The following GALNT13 variants were observed in gnomAD, a reference collection of about 807,000 sequenced individuals.
The protein encoded by GALNT13 is UDP-GalNAc:polypeptide N-acetylgalactosaminyltransferase 13.
In GALNT13, 28 loss-of-function variants were observed where a neutral mutation model predicts 64.2. The observed-to-expected ratio is 0.44, with a 90% confidence interval of 0.32 to 0.60. GALNT13 has a LOEUF of 0.60. Among genes scored for constraint, GALNT13 ranks in the 20% least tolerant of loss-of-function variants. The pLI is 0.05. For synonymous variants in GALNT13, 214 were observed against 224.6 expected (o/e 0.95, Z 0.42); for missense variants, 577 against 669.8 (o/e 0.86, Z 1.53).
the GALNT13 span, among the ~76,000 whole-genome samples, chr2:153,600,626 A>G: frequency 6.6e-6 from 1 of 151,966 alleles, no homozygotes; most frequent in Non-Finnish European, 1.5e-5. Context: ...CATCCTCCCA[A>G]CGCCATATTT....
the GALNT13 span, among the ~76,000 whole-genome samples, chr2:153,346,653 C>T: frequency 6.6e-6 from 1 of 152,054 alleles, no homozygotes; most frequent in African/African-American, 2.4e-5. Context: ...CCCTGGATTT[C>T]CTGAGATACA....
At chr2:154,014,635 C>T (rs369108496) in intron 3 of GALNT13, among the ~76,000 whole-genome samples, 2 of 77,218 alleles carry the variant, frequency 2.6e-5, no homozygotes, top group Non-Finnish European at 5.4e-5. Context: ...GATAATTCTC[C>T]TTTTTTTTTT....
chr2:153,170,466 G>A, the GALNT13 span, among the ~76,000 whole-genome samples: 1 of 152,064 alleles, frequency 6.6e-6, no homozygotes, highest in African/African-American at 2.4e-5. Context: ...ATGTATATAT[G>A]GATATGTAAA....
the GALNT13 span, among the ~76,000 whole-genome samples, chr2:153,306,285 C>T: frequency 6.6e-6 from 1 of 152,040 alleles, no homozygotes; most frequent in African/African-American, 2.4e-5. Context: ...TGAGCAGCTG[C>T]ATGTTGAAAA....
chr2:153,398,422 C>T, the GALNT13 span, among the ~76,000 whole-genome samples: 17 of 152,138 alleles, frequency 1.1e-4, no homozygotes, highest in African/African-American at 3.6e-4. Flanking sequence ...ATTTATAGTC[C>T]TTTGGGTACA....
the GALNT13 span, among the ~76,000 whole-genome samples, chr2:153,206,242 T>G: frequency 6.6e-6 from 1 of 152,016 alleles, no homozygotes. Context: ...CAGAATTTGG[T>G]GTAAATTGAA....
chr2:154,028,303 G>A (rs942901807), intron 3 of GALNT13, among the ~76,000 whole-genome samples: 4 of 151,962 alleles, frequency 2.6e-5, no homozygotes, highest in Non-Finnish European at 5.9e-5. Context: ...TGGTTATCCT[G>A]ATAAATTTAT....
chr2:153,120,469 T>G, the GALNT13 span, among the ~76,000 whole-genome samples: 1 of 152,226 alleles, frequency 6.6e-6, no homozygotes, highest in Non-Finnish European at 1.5e-5. Flanking sequence ...CCAGTTTTTT[T>G]CTACTTATGA....
At chr2:153,879,240 T>C (rs928104486) in intron 1 of GALNT13, among the ~76,000 whole-genome samples, 2 of 152,232 alleles carry the variant, frequency 1.3e-5, no homozygotes, top group African/African-American at 4.8e-5. Flanking sequence ...ATTAGTATTC[T>C]TATTTTAGAG....
chr2:153,791,662 T>C, the GALNT13 span, among the ~76,000 whole-genome samples: 1 of 152,094 alleles, frequency 6.6e-6, no homozygotes, highest in African/African-American at 2.4e-5. Context: ...TAGCAAAATA[T>C]GGAATCAACC....
At chr2:154,429,401 T>C (rs1046121243) in intron 11 of GALNT13, among the ~76,000 whole-genome samples, 1 of 152,184 alleles carries the variant, frequency 6.6e-6, no homozygotes, top group Non-Finnish European at 1.5e-5. Context: ...TTTTAGTGGT[T>C]TGAATAGAAG....
intron 2 of GALNT13, among the ~76,000 whole-genome samples, chr2:153,906,478 G>A (rs956968047): frequency 3.6e-4 from 52 of 146,106 alleles, no homozygotes; most frequent in Non-Finnish European, 5.5e-4. Flanking sequence ...TCCCACCTAT[G>A]AGTGAGAACA....
At chr2:153,644,702 C>A in the GALNT13 span, among the ~76,000 whole-genome samples, 2 of 152,030 alleles carry the variant, frequency 1.3e-5, no homozygotes, top group South Asian at 4.1e-4. Flanking sequence ...CTTTGACTAT[C>A]AGTCTTATCG....
chr2:154,194,857 G>T, intron 4 of GALNT13, among the ~76,000 whole-genome samples: 1 of 121,014 alleles, frequency 8.3e-6, no homozygotes, highest in Admixed American at 8.0e-5. Context: ...CTCTAGAGCT[G>T]TATTTTTTTT....
chr2:153,427,765 C>T, the GALNT13 span, among the ~76,000 whole-genome samples: 1 of 152,128 alleles, frequency 6.6e-6, no homozygotes, highest in Non-Finnish European at 1.5e-5. Flanking sequence ...CTTCCTACTT[C>T]TAGCTTTCAT....
intron 2 of GALNT13, among the ~76,000 whole-genome samples, chr2:153,902,165 G>A (rs1025010969): frequency 1.3e-5 from 2 of 151,870 alleles, no homozygotes. Context: ...TTTTATCTGG[G>A]GACATTTTCA....
chr2:153,206,987 G>A, the GALNT13 span, among the ~76,000 whole-genome samples: 2 of 151,806 alleles, frequency 1.3e-5, no homozygotes, highest in Admixed American at 1.3e-4. Flanking sequence ...ATTTTAATAT[G>A]TACTTCTAAA....
At chr2:153,481,942 T>C in the GALNT13 span, among the ~76,000 whole-genome samples, 1 of 152,174 alleles carries the variant, frequency 6.6e-6, no homozygotes, top group African/African-American at 2.4e-5. Context: ...ATAAATTACA[T>C]TATATTACAC....
chr2:153,213,423 C>T, the GALNT13 span, among the ~76,000 whole-genome samples: 1 of 152,148 alleles, frequency 6.6e-6, no homozygotes, highest in Non-Finnish European at 1.5e-5. Context: ...TGCCCTCTGC[C>T]TCGGAAGGGG....
Sources: gnomAD v4.1 joint callset for allele counts (sites outside exome capture counted in the v4.1 genomes callset) on GRCh38, gnomAD v4.1.1 for gene constraint, MANE v1.5 for transcripts, NCBI Gene and HGNC (gene_info 2026-07-23, HGNC 2026-07-21) for gene names.